The following CAMTA1 variants were observed in gnomAD, a reference collection of about 807,000 sequenced individuals.
CAMTA1 encodes the protein calmodulin binding transcription activator 1.
CAMTA1 carries 27 observed loss-of-function variants against 170.9 expected under a neutral mutation model. That is an observed-to-expected ratio of 0.16 (90% CI 0.12 to 0.22). The LOEUF is 0.22. Among genes scored for constraint, CAMTA1 ranks in the 10% least tolerant of loss-of-function variants. The probability of loss-of-function intolerance (pLI) is 1.00; values close to 1 mark genes in which losing one functional copy is unlikely to be tolerated. For synonymous variants in CAMTA1, 833 were observed against 891.5 expected (o/e 0.93, Z 1.17); for missense variants, 1,619 against 2,217.2 (o/e 0.73, Z 5.42).
chr1:7,211,668 T>C (rs1033697635), intron 4 of CAMTA1, among the ~76,000 whole-genome samples: 34 of 152,198 alleles, frequency 2.2e-4, no homozygotes, highest in Admixed American at 1.6e-3. Flanking sequence ...TCACCAACCC[T>C]GGGATTAGCT....
intron 3 of CAMTA1, among the ~76,000 whole-genome samples, chr1:6,938,702 G>A (rs1242511765): frequency 6.6e-6 from 1 of 152,182 alleles, no homozygotes; most frequent in African/African-American, 2.4e-5. Context: ...TGGCCACACA[G>A]CCTCCAGGAA....
At chr1:7,640,635 T>A in intron 7 of CAMTA1, 82 bp downstream of exon 7, 1 of 1,538,858 alleles carries the variant, frequency 6.5e-7, no homozygotes, top group Non-Finnish European at 9.0e-7. Flanking sequence ...AGGTCCTCTG[T>A]GGCCTTGGGG....
intron 4 of CAMTA1, among the ~76,000 whole-genome samples, chr1:7,103,889 ACAC>A (rs1643197905): frequency 6.7e-6 from 1 of 150,156 alleles, no homozygotes; most frequent in African/African-American, 2.5e-5. Context: ...ACACATGTAC[ACAC>A]AACACACAAC....
chr1:7,151,723 C>CA (rs1646590864), intron 4 of CAMTA1, among the ~76,000 whole-genome samples: 3 of 152,172 alleles, frequency 2.0e-5, no homozygotes. Context: ...GAGGACATGG[C>CA]AGGCTGCTGG....
intron 3 of CAMTA1, among the ~76,000 whole-genome samples, chr1:6,891,996 G>GT (rs1674601066): frequency 6.6e-6 from 1 of 152,180 alleles, no homozygotes; most frequent in African/African-American, 2.4e-5. Flanking sequence ...CCAGGTCCAC[G>GT]TGAGTCATTG....
intron 5 of CAMTA1, among the ~76,000 whole-genome samples, chr1:7,276,295 A>T (rs1480537818): frequency 0.37 from 7,152 of 19,574 alleles, 663 homozygotes; most frequent in Non-Finnish European, 0.41. Context: ...ATATATATAT[A>T]TATATATATT....
intron 4 of CAMTA1, among the ~76,000 whole-genome samples, chr1:7,147,738 CACCATGCACACACACAAACTCATAT>C (rs1646300987): frequency 1.4e-5 from 2 of 148,100 alleles, no homozygotes; most frequent in Non-Finnish European, 3.0e-5. Flanking sequence ...CACACTCATA[CACCATGCACACACACAAACTCATAT>C]ACCATGCACA....
At chr1:7,428,885 G>A (rs1575271301) in intron 5 of CAMTA1, among the ~76,000 whole-genome samples, 1 of 152,230 alleles carries the variant, frequency 6.6e-6, no homozygotes, top group South Asian at 2.1e-4. Flanking sequence ...TAAGGGCTCA[G>A]TGGGTGTTTA....
intron 4 of CAMTA1, among the ~76,000 whole-genome samples, chr1:7,161,083 C>T (rs938067994): frequency 2.0e-5 from 3 of 152,214 alleles, no homozygotes; most frequent in African/African-American, 7.2e-5. Flanking sequence ...ATTCTATAAA[C>T]CTCAATTCTG....
At chr1:7,687,574 C>T (rs987819950) in intron 11 of CAMTA1, among the ~76,000 whole-genome samples, 2 of 152,132 alleles carry the variant, frequency 1.3e-5, no homozygotes, top group African/African-American at 4.8e-5. Flanking sequence ...CCCAGGAGAT[C>T]GCGTGCCTCC....
chr1:7,236,426 C>T (rs1032310189), intron 4 of CAMTA1, among the ~76,000 whole-genome samples: 1 of 152,158 alleles, frequency 6.6e-6, no homozygotes, highest in African/African-American at 2.4e-5. Flanking sequence ...ATGGGCGGTT[C>T]TTGGGCTCCC....
chr1:7,669,078 C>T (rs566998675), intron 9 of CAMTA1, among the ~76,000 whole-genome samples: 12 of 152,316 alleles, frequency 7.9e-5, no homozygotes, highest in African/African-American at 2.9e-4. Flanking sequence ...CAGAAGGGCC[C>T]CTAGCAAGGA....
chr1:7,117,646 C>T (rs545574406), intron 4 of CAMTA1, among the ~76,000 whole-genome samples: 5 of 152,334 alleles, frequency 3.3e-5, no homozygotes, highest in Non-Finnish European at 7.3e-5. Flanking sequence ...ACACCACTGC[C>T]TACTGCCTTC....
At chr1:7,316,029 A>G (rs1211459903) in intron 5 of CAMTA1, among the ~76,000 whole-genome samples, 2 of 152,232 alleles carry the variant, frequency 1.3e-5, no homozygotes, top group African/African-American at 4.8e-5. Context: ...ACCTTCTCAC[A>G]TGGTGGCAGG....
At chr1:7,717,238 A>G (rs902638184) in intron 11 of CAMTA1, among the ~76,000 whole-genome samples, 1 of 152,174 alleles carries the variant, frequency 6.6e-6, no homozygotes, top group Non-Finnish European at 1.5e-5. Flanking sequence ...ATATTCCTGA[A>G]CATTGCTAAG....
At chr1:7,444,284 C>T (rs2149425497) in intron 5 of CAMTA1, among the ~76,000 whole-genome samples, 1 of 152,314 alleles carries the variant, frequency 6.6e-6, no homozygotes, top group East Asian at 1.9e-4. Flanking sequence ...TGCCCTGGGC[C>T]CCAGGATCAT....
chr1:7,661,080 C>G (rs1036180315), intron 7 of CAMTA1, among the ~76,000 whole-genome samples: 5 of 152,254 alleles, frequency 3.3e-5, no homozygotes, highest in Non-Finnish European at 4.4e-5. Context: ...GTTCAGATGG[C>G]TGCCATCAGT....
At chr1:6,889,205 C>T (rs995204210) in intron 3 of CAMTA1, among the ~76,000 whole-genome samples, 7 of 152,172 alleles carry the variant, frequency 4.6e-5, no homozygotes, top group African/African-American at 9.7e-5. Flanking sequence ...AACCTTTGGT[C>T]ATGATGCATT....
At chr1:7,071,654 T>G (rs937969916) in intron 3 of CAMTA1, among the ~76,000 whole-genome samples, 2 of 152,228 alleles carry the variant, frequency 1.3e-5, no homozygotes, top group East Asian at 1.9e-4. Context: ...CCAATTAATA[T>G]CTAACCATTA....
Sources: gnomAD v4.1 joint callset for allele counts (sites outside exome capture counted in the v4.1 genomes callset) on GRCh38, gnomAD v4.1.1 for gene constraint, MANE v1.5 for transcripts, NCBI Gene and HGNC (gene_info 2026-07-23, HGNC 2026-07-21) for gene names.